CUX1: variants seen among roughly 807,000 people sequenced by gnomAD.
CUX1 encodes the protein cut like homeobox 1.
A neutral mutation model predicts 158.8 loss-of-function variants in CUX1; 31 were observed. The observed-to-expected ratio is 0.20, with a 90% CI of 0.15 to 0.26. The LOEUF (loss-of-function observed/expected upper bound fraction) is 0.26, where lower values mean the gene tolerates loss of function less well. CUX1 is among the 10% of genes least tolerant of loss of function. The probability of loss-of-function intolerance (pLI) is 1.00; values close to 1 mark genes in which losing one functional copy is unlikely to be tolerated. For synonymous variants in CUX1, 879 were observed against 862.1 expected, an observed-to-expected ratio of 1.02 and a Z score of -0.34; for missense variants, 1,589 against 2,014.6, an observed-to-expected ratio of 0.79 and a Z score of 4.04.
intron 20 of CUX1, among the ~76,000 whole-genome samples, chr7:102,214,294 C>T (rs1231391229): frequency 6.6e-6 from 1 of 152,124 alleles, no homozygotes; most frequent in African/African-American, 2.4e-5. Context: ...GAGGCTAAGA[C>T]TCAAGGATCG....
chr7:102,202,021 C>T lies in CUX1; in HGVS notation c.2724C>T (p.Asn908=), dbSNP rs2132039356. 1 of 1,614,128 alleles carries T rather than the reference C, an allele frequency of 6.2e-7. No homozygotes were observed. The highest frequency in any genetic ancestry group is 8.5e-7 in the Non-Finnish European group (1 of 1,180,004). Residue 908 remains asparagine, a synonymous_variant, in exon 18 of 24, where the codon AAC becomes AAT. Transcript: ENST00000292535. ...CCAGCCGCAGCGAGACACCACAGAA[C>T]AGCCCCCTGCCATCCTCCCCGATCG... is the stretch of plus-strand genomic sequence containing the variant. The part of the protein sequence containing the change: ...TGASRSETPQ[N]SPLPSSPIVP...
At chr7:102,243,983 C>T (rs1554535954) in intron 23 of CUX1, among the ~76,000 whole-genome samples, 1 of 151,998 alleles carries the variant, frequency 6.6e-6, no homozygotes, top group African/African-American at 2.4e-5. Flanking sequence ...GCCGAGATCA[C>T]GCCATTGCAC....
intron 5 of CUX1, 46 bp downstream of exon 5, chr7:102,097,547 T>TTTC (rs10638510): frequency 2.4e-4 from 368 of 1,538,386 alleles, no homozygotes; most frequent in Non-Finnish European, 2.7e-4. Flanking sequence ...TTCTTTTTTT[T>TTTC]CTCTTCTTTT....
intron 8 of CUX1, among the ~76,000 whole-genome samples, chr7:102,151,819 A>G (rs1182903586): frequency 6.7e-6 from 1 of 149,798 alleles, no homozygotes; most frequent in Non-Finnish European, 1.5e-5. Flanking sequence ...GCAAACACTG[A>G]TGGCCACACT....
intron 2 of CUX1, among the ~76,000 whole-genome samples, chr7:101,982,721 A>G (rs1813590900): frequency 6.7e-6 from 1 of 149,736 alleles, no homozygotes; most frequent in African/African-American, 2.4e-5. Flanking sequence ...GCCAACAGGG[A>G]CTTTTTTTTT....
At chr7:102,182,375 A>G (rs188287261) in intron 11 of CUX1, among the ~76,000 whole-genome samples, 25 of 152,336 alleles carry the variant, frequency 1.6e-4, no homozygotes, top group Admixed American at 1.6e-3. Context: ...GGACTGACTA[A>G]TTGGTTTTCT....
At chr7:101,964,562 GC>G (rs1374316402) in intron 2 of CUX1, among the ~76,000 whole-genome samples, 1 of 151,882 alleles carries the variant, frequency 6.6e-6, no homozygotes, top group East Asian at 1.9e-4. Context: ...ATTCTTTTTT[GC>G]CGTCATTCTT....
intron 10 of CUX1, among the ~76,000 whole-genome samples, chr7:102,177,757 C>A (rs1348016471): frequency 6.6e-6 from 1 of 152,174 alleles, no homozygotes; most frequent in Non-Finnish European, 1.5e-5. Flanking sequence ...CTGACTCTGG[C>A]CTCTGTTTTA....
chr7:102,045,466 G>A (rs887649682), intron 3 of CUX1, among the ~76,000 whole-genome samples: 2 of 152,234 alleles, frequency 1.3e-5, no homozygotes, highest in Admixed American at 6.5e-5. Flanking sequence ...GGGCTGGAGC[G>A]CAGCCAAGCA....
At chr7:102,070,877 G>T (rs2130585269) in intron 4 of CUX1, among the ~76,000 whole-genome samples, 1 of 152,232 alleles carries the variant, frequency 6.6e-6, no homozygotes, top group African/African-American at 2.4e-5. Flanking sequence ...TCACTTAAGG[G>T]TTATGGGCAG....
At chr7:101,931,646 A>G (rs1806304011) in intron 2 of CUX1, among the ~76,000 whole-genome samples, 1 of 151,858 alleles carries the variant, frequency 6.6e-6, no homozygotes, top group Non-Finnish European at 1.5e-5. Flanking sequence ...GCTCACTGCA[A>G]CCTCTGCCTT....
Position 102,251,772 on chromosome 7 carries a change from A to G in CUX1, c.*2730A>G, listed in dbSNP as rs766337285. ...TGTGATGAATCTTTAAATATCGTCTAATTTTCATAAGAATGAAAAGAAGTT... is the reference window on the plus strand; with the variant it reads ...TGTGATGAATCTTTAAATATCGTCTGATTTTCATAAGAATGAAAAGAAGTT... On this transcript the variant is annotated 3_prime_UTR_variant, in exon 24 of 24. Transcript: ENST00000292535. The G allele has an allele frequency of 2.0e-6, 2 of 985,310 alleles. No homozygotes were observed. The highest frequency in any genetic ancestry group is 2.4e-6 in the Non-Finnish European group (2 of 829,832). 61.0% of individuals were successfully genotyped at this position (985,310 alleles called of 1,614,324 possible).
chr7:102,063,819 TGCGTG>T (rs1293911470), intron 3 of CUX1, among the ~76,000 whole-genome samples: 1 of 152,200 alleles, frequency 6.6e-6, no homozygotes, highest in African/African-American at 2.4e-5. Context: ...AAACACCCAC[TGCGTG>T]CCCGTGGTCG....
intron 8 of CUX1, among the ~76,000 whole-genome samples, chr7:102,124,558 AC>A (rs1554494523): frequency 6.6e-6 from 1 of 152,192 alleles, no homozygotes; most frequent in Non-Finnish European, 1.5e-5. Context: ...GGGGGATGTT[AC>A]ATTAAGTGAA....
intron 4 of CUX1, among the ~76,000 whole-genome samples, chr7:102,080,149 CCTTCTCCATCCAT>C (rs1827211932): frequency 6.6e-6 from 1 of 152,184 alleles, no homozygotes; most frequent in African/African-American, 2.4e-5. Flanking sequence ...CAAGGCTTTC[CCTTCTCCATCCAT>C]CCTCCCCCGG....
chr7:102,248,657 C>G lies in CUX1; in HGVS notation c.4133C>G (p.Ser1378Trp). The G allele has an allele frequency of 1.5e-6, 2 of 1,352,612 alleles. No individual in the cohort carries two copies. The highest frequency in any genetic ancestry group is 3.7e-5 in the East Asian group (1 of 27,140). The allele number at this position is 1,352,612 out of a possible 1,614,324, so 83.8% of individuals were successfully genotyped here. The change falls in exon 24 of 24, where the codon TCG becomes TGG. Residue 1378 changes from serine to tryptophan, a missense_variant. Ser to Trp is a radical substitution (Grantham distance 177). Coordinates refer to ENST00000292535, the MANE Select transcript of CUX1 (RefSeq NM_181552.4). This position sits in a 1 kb window ranked among gnomAD's most constrained non-coding sequence, Gnocchi z 5.8. ...RPAEQTEPPPSGTPGPDDARD... is the reference protein window; with the variant it reads ...RPAEQTEPPPWGTPGPDDARD... The stretch of plus-strand genomic sequence containing the variant: ...GCGGAGCAGACGGAGCCGCCGCCCT[C>G]GGGGACCCCGGGCCCGGACGACGCC...
intron 2 of CUX1, among the ~76,000 whole-genome samples, chr7:102,014,189 G>A (rs1291487125): frequency 2.0e-5 from 3 of 152,118 alleles, no homozygotes; most frequent in African/African-American, 4.8e-5. Flanking sequence ...ACCGACCTCT[G>A]TGGCCTTCGA....
chr7:102,275,997 G>GC (rs1165060992), intron 17 of CUX1, among the ~76,000 whole-genome samples: 3 of 141,218 alleles, frequency 2.1e-5, no homozygotes, highest in African/African-American at 8.1e-5. Flanking sequence ...GTGTGACAGA[G>GC]CAAGACTCCA....
At chr7:102,246,810 T>C (rs1229106992) in intron 23 of CUX1, among the ~76,000 whole-genome samples, 3 of 152,210 alleles carry the variant, frequency 2.0e-5, no homozygotes, top group African/African-American at 4.8e-5. Context: ...CCTCAAGCCA[T>C]CTGCCCGCCT....
Sources: allele counts gnomAD v4.1 joint callset (sites outside exome capture counted in the v4.1 genomes callset), GRCh38; gene constraint gnomAD v4.1.1; non-coding constraint Gnocchi (gnomAD v3.1); transcripts MANE v1.5; gene names NCBI Gene and HGNC (gene_info 2026-07-23, HGNC 2026-07-21).